MAN2A1: variants seen among roughly 807,000 people sequenced by gnomAD.
MAN2A1 encodes mannosidase alpha class 2A member 1.
A neutral mutation model predicts 142.6 loss-of-function variants in MAN2A1; 76 were observed. The observed-to-expected ratio is 0.53, with a 90% CI of 0.44 to 0.65. The LOEUF (loss-of-function observed/expected upper bound fraction) is 0.65. MAN2A1 is among the 30% of genes least tolerant of loss of function. The pLI is 0.00. For synonymous variants in MAN2A1, 559 were observed against 473.2 expected (o/e 1.18, Z -2.35); for missense variants, 1,311 against 1,365.1 (o/e 0.96, Z 0.62).
intron 19 of MAN2A1, among the ~76,000 whole-genome samples, chr5:109,850,214 C>A (rs1755449935): frequency 6.6e-6 from 1 of 152,154 alleles, no homozygotes; most frequent in South Asian, 2.1e-4. Flanking sequence ...TAATATATGT[C>A]ATATGAATGA....
chr5:109,793,894 T>A (rs953470987), intron 12 of MAN2A1, among the ~76,000 whole-genome samples: 2 of 152,216 alleles, frequency 1.3e-5, no homozygotes, highest in African/African-American at 4.8e-5. Flanking sequence ...ACATTTTGTA[T>A]TTTTAATATT....
chr5:109,827,093 A>G (rs1023446475), intron 16 of MAN2A1, among the ~76,000 whole-genome samples: 1 of 152,238 alleles, frequency 6.6e-6, no homozygotes, highest in African/African-American at 2.4e-5. Flanking sequence ...TTGCATGAGT[A>G]TTAATGAATA....
intron 19 of MAN2A1, 43 bp from the exon 20 acceptor site, chr5:109,855,097 T>G: frequency 9.3e-7 from 1 of 1,076,456 alleles, no homozygotes; most frequent in Non-Finnish European, 1.3e-6. Context: ...TGATGAGAAC[T>G]GGAAATATAG....
intron 1 of MAN2A1, among the ~76,000 whole-genome samples, chr5:109,700,851 A>G (rs1750959975): frequency 6.6e-6 from 1 of 152,232 alleles, no homozygotes; most frequent in Admixed American, 6.5e-5. Context: ...TCCAACATAT[A>G]TTTGAAAATT....
At chr5:109,831,134 C>T (rs1754895406) in intron 16 of MAN2A1, among the ~76,000 whole-genome samples, 1 of 152,218 alleles carries the variant, frequency 6.6e-6, no homozygotes, top group Non-Finnish European at 1.5e-5. Flanking sequence ...TGACCTTGCA[C>T]AGGTTACTGC....
At chr5:109,775,066 T>A in intron 8 of MAN2A1, 101 bp downstream of exon 8, 1 of 736,900 alleles carries the variant, frequency 1.4e-6, no homozygotes, top group Non-Finnish European at 2.2e-6. Flanking sequence ...TACATCACAG[T>A]GCTTCTTAGA....
chr5:109,815,480 A>C (rs1754429507), intron 12 of MAN2A1, among the ~76,000 whole-genome samples: 2 of 152,188 alleles, frequency 1.3e-5, no homozygotes, highest in African/African-American at 4.8e-5. Flanking sequence ...TAAGTAATAC[A>C]AGTTAGGTCC....
intron 5 of MAN2A1, among the ~76,000 whole-genome samples, chr5:109,763,305 G>A (rs1249562601): frequency 6.6e-6 from 1 of 152,066 alleles, no homozygotes; most frequent in Non-Finnish European, 1.5e-5. Context: ...AGGCTTTTGA[G>A]CATCAGAGTG....
chr5:109,701,179 A>G (rs376194075), intron 1 of MAN2A1, among the ~76,000 whole-genome samples: 102 of 152,318 alleles, frequency 6.7e-4, no homozygotes, highest in South Asian at 2.1e-3. Flanking sequence ...ATATAAAGAC[A>G]AAGGCCTTAA....
chr5:109,848,324 T>C (rs1755393500), intron 19 of MAN2A1, among the ~76,000 whole-genome samples: 1 of 152,210 alleles, frequency 6.6e-6, no homozygotes, highest in African/African-American at 2.4e-5. Context: ...TGGACCTGAA[T>C]GACCTGACGA....
chr5:109,727,097 A>G (rs1471252110), intron 3 of MAN2A1, among the ~76,000 whole-genome samples: 1 of 152,208 alleles, frequency 6.6e-6, no homozygotes, highest in Non-Finnish European at 1.5e-5. Context: ...GATAAAATAA[A>G]TTCTTCCCAC....
chr5:109,774,795 A>T lies in MAN2A1; in HGVS notation c.1204A>T (p.Met402Leu), dbSNP rs563028524. The change falls in exon 8 of 22, where the codon ATG becomes TTG. Residue 402 changes from methionine to leucine, a missense_variant. Coordinates refer to ENST00000261483, the MANE Select transcript of MAN2A1 (RefSeq NM_002372.4). The part of the protein sequence containing the change: ...HPGNVQSRAR[M>L]LLDQYRKKSK... ...TGTTTGTTTTTTTTGTAGGGCTCGGATGCTACTAGATCAGTACCGAAAGAA... is the reference window on the plus strand; with the variant it reads ...TGTTTGTTTTTTTTGTAGGGCTCGGTTGCTACTAGATCAGTACCGAAAGAA... 2 of 1,602,666 alleles carry T rather than the reference A, an allele frequency of 1.2e-6. No homozygotes were observed. Among genetic ancestry groups the T allele is most frequent in the Non-Finnish European group, 1.7e-6 (2 of 1,176,718 alleles).
chr5:109,822,095 T>A (rs73216890), intron 15 of MAN2A1, among the ~76,000 whole-genome samples: 2 of 151,562 alleles, frequency 1.3e-5, no homozygotes, highest in African/African-American at 4.8e-5. Context: ...TAAGGGATTG[T>A]GTAGGCTACA....
chr5:109,735,078 T>G (rs560096319), intron 4 of MAN2A1, among the ~76,000 whole-genome samples: 2 of 152,330 alleles, frequency 1.3e-5, no homozygotes, highest in African/African-American at 4.8e-5. Context: ...CATGTATATT[T>G]AGGATAGTTA....
chr5:109,763,617 C>T (rs903268282), intron 5 of MAN2A1, among the ~76,000 whole-genome samples: 2 of 151,728 alleles, frequency 1.3e-5, no homozygotes, highest in Non-Finnish European at 2.9e-5. Context: ...GTGCTGCACC[C>T]ATGTAGGGAC....
At chr5:109,775,357 G>T (rs1753257362) in intron 8 of MAN2A1, among the ~76,000 whole-genome samples, 1 of 152,020 alleles carries the variant, frequency 6.6e-6, no homozygotes, top group Admixed American at 6.6e-5. Context: ...AGCATGACTG[G>T]CAGATGCAGA....
chr5:109,805,163 G>A (rs1262706136), intron 12 of MAN2A1, among the ~76,000 whole-genome samples: 2 of 152,130 alleles, frequency 1.3e-5, no homozygotes, highest in Admixed American at 6.6e-5. Context: ...CTCAGAGAAA[G>A]CAACTTAATT....
At chr5:109,690,783 C>CG (rs1466764548) in intron 1 of MAN2A1, among the ~76,000 whole-genome samples, 5 of 152,190 alleles carry the variant, frequency 3.3e-5, no homozygotes, top group African/African-American at 1.2e-4. Context: ...GCGGCATCAT[C>CG]CCGCTCAGGA....
At chr5:109,864,506 A>G (rs1561548436) in intron 20 of MAN2A1, 1 of 152,310 alleles carries the variant, frequency 6.6e-6, no homozygotes, top group Non-Finnish European at 1.5e-5. Context: ...AAGCATAACT[A>G]AATTTAAATA....
Sources: allele counts gnomAD v4.1 joint callset (sites outside exome capture counted in the v4.1 genomes callset), GRCh38; gene constraint gnomAD v4.1.1; transcripts MANE v1.5; gene names NCBI Gene and HGNC (gene_info 2026-07-23, HGNC 2026-07-21).